The following PRKG2 variants were observed in gnomAD, a reference collection of about 807,000 sequenced individuals.
The protein encoded by PRKG2 is protein kinase cGMP-dependent 2.
A neutral mutation model predicts 97.2 loss-of-function variants in PRKG2; 33 were observed. The ratio of observed to expected loss-of-function variants is 0.34; its 90% CI spans 0.26 to 0.45. PRKG2 has a LOEUF of 0.45. PRKG2 is among the 20% of genes least tolerant of loss of function. The probability of loss-of-function intolerance (pLI) is 1.00; values close to 1 mark genes in which losing one functional copy is unlikely to be tolerated. For synonymous variants in PRKG2, 330 were observed against 321.8 expected (o/e 1.03, Z -0.27); for missense variants, 638 against 900.0 (o/e 0.71, Z 3.73).
At chr4:81,101,328 A>C (rs1742740541) in intron 17 of PRKG2, among the ~76,000 whole-genome samples, 1 of 152,216 alleles carries the variant, frequency 6.6e-6, no homozygotes, top group African/African-American at 2.4e-5. Flanking sequence ...AATGTCCAAC[A>C]ATGATAGACT....
intron 2 of PRKG2, chr4:81,175,524 G>A (rs1750846893): frequency 6.6e-6 from 1 of 152,208 alleles, no homozygotes; most frequent in Non-Finnish European, 1.5e-5. Flanking sequence ...AGTCTGCGCT[G>A]CTTCCATTCC....
intron 7 of PRKG2, among the ~76,000 whole-genome samples, chr4:81,152,643 G>A (rs1488610294): frequency 1.3e-5 from 2 of 152,148 alleles, no homozygotes; most frequent in African/African-American, 2.4e-5. Flanking sequence ...TGTGGCTAGA[G>A]TTATTCCAAT....
chr4:81,093,404 C>G (rs943856210), intron 17 of PRKG2, among the ~76,000 whole-genome samples: 1 of 144,916 alleles, frequency 6.9e-6, no homozygotes, highest in Admixed American at 6.8e-5. Context: ...CACACACACA[C>G]AAGCTTCTTA....
At chr4:81,168,994 T>C (rs1170549843) in intron 5 of PRKG2, among the ~76,000 whole-genome samples, 1 of 151,928 alleles carries the variant, frequency 6.6e-6, no homozygotes, top group Non-Finnish European at 1.5e-5. Flanking sequence ...GATACAGAAA[T>C]TGTTTAAATA....
chr4:81,182,275 G>T (rs1751482574), intron 2 of PRKG2, among the ~76,000 whole-genome samples: 1 of 151,844 alleles, frequency 6.6e-6, no homozygotes, highest in South Asian at 2.1e-4. Context: ...AACATGAAAA[G>T]AATAAAGGAG....
At chr4:81,166,310 G>GT (rs1749979302) in intron 6 of PRKG2, among the ~76,000 whole-genome samples, 3 of 151,704 alleles carry the variant, frequency 2.0e-5, no homozygotes, top group Non-Finnish European at 4.4e-5. Flanking sequence ...GGGTTTTGGG[G>GT]GTTTTTTTTC....
chr4:81,119,337 G>T (rs575508707), intron 14 of PRKG2, among the ~76,000 whole-genome samples: 2 of 152,102 alleles, frequency 1.3e-5, no homozygotes, highest in Non-Finnish European at 2.9e-5. Context: ...TCTGGATGTC[G>T]CATTGTTCCA....
intron 2 of PRKG2, among the ~76,000 whole-genome samples, chr4:81,197,489 T>C (rs1055232874): frequency 1.3e-5 from 2 of 152,208 alleles, no homozygotes; most frequent in Admixed American, 6.5e-5. Context: ...AAAATGAGAA[T>C]AGATTTCAGA....
chr4:81,089,771 G>T lies in PRKG2; in HGVS notation c.2226C>A (p.Asp742Glu), dbSNP rs756304665. 1 of 1,612,674 alleles carries T rather than the reference G, an allele frequency of 6.2e-7. No individual in the cohort carries two copies. Among genetic ancestry groups the T allele is most frequent in the Non-Finnish European group, 8.5e-7 (1 of 1,178,874 alleles). ...GCATTCCCTTTTCAGGAGGATATTT[G>T]TCAAAGTAGCTGTGATCTATGGGTC... ...LKGPIDHSYF[D>E]KYPPEKGMPP... The change falls in exon 19 of 19, where the codon GAC (aspartate) becomes GAA (glutamate). Residue 742 changes from aspartate (D) to glutamate (E), a missense_variant. Physicochemically the swap from Asp to Glu is conservative, Grantham distance 45 (BLOSUM62 2). Transcript: ENST00000264399.
chr4:81,121,093 A>G (rs1363412011), intron 14 of PRKG2, among the ~76,000 whole-genome samples: 1 of 152,104 alleles, frequency 6.6e-6, no homozygotes, highest in Non-Finnish European at 1.5e-5. Flanking sequence ...AATGGATTAT[A>G]TTCATTGATT....
chr4:81,139,843 T>C (rs932105245), intron 12 of PRKG2, among the ~76,000 whole-genome samples: 18 of 151,662 alleles, frequency 1.2e-4, no homozygotes, highest in Non-Finnish European at 2.1e-4. Context: ...GATCTCAAAC[T>C]TCTAACATTT....
chr4:81,114,407 C>T (rs1361438818), intron 14 of PRKG2, among the ~76,000 whole-genome samples: 1 of 151,602 alleles, frequency 6.6e-6, no homozygotes, highest in African/African-American at 2.4e-5. Flanking sequence ...GTCATGGATA[C>T]TTGTCTATAG....
chr4:81,117,670 T>A (rs1744682304), intron 14 of PRKG2, among the ~76,000 whole-genome samples: 1 of 152,206 alleles, frequency 6.6e-6, no homozygotes, highest in Non-Finnish European at 1.5e-5. Flanking sequence ...GGCGATTTAG[T>A]AAAATTTTTA....
intron 8 of PRKG2, among the ~76,000 whole-genome samples, chr4:81,150,878 C>T (rs1029314753): frequency 2.6e-5 from 4 of 151,966 alleles, no homozygotes; most frequent in Non-Finnish European, 2.9e-5. Context: ...ATTAATTTTC[C>T]TAATATTGAA....
intron 2 of PRKG2, among the ~76,000 whole-genome samples, chr4:81,202,979 G>C (rs1232393959): frequency 2.0e-5 from 3 of 151,766 alleles, no homozygotes; most frequent in Non-Finnish European, 4.4e-5. Context: ...GCATAAAAAA[G>C]TACATTGCTA....
chr4:81,144,594 T>TTATATA (rs61559089), intron 9 of PRKG2, among the ~76,000 whole-genome samples: 455 of 131,308 alleles, frequency 3.5e-3, no homozygotes, highest in African/African-American at 0.016. Flanking sequence ...GTATTTAAGG[T>TTATATA]TATATATATA....
At chr4:81,152,079 C>T in intron 7 of PRKG2, 25 bp from the exon 8 acceptor site, 2 of 1,528,606 alleles carry the variant, frequency 1.3e-6, no homozygotes, top group East Asian at 2.3e-5. Context: ...GCAATACAAA[C>T]AGAAAGAGAC....
intron 14 of PRKG2, among the ~76,000 whole-genome samples, chr4:81,126,192 G>GC (rs1256825544): frequency 6.6e-6 from 1 of 152,110 alleles, no homozygotes; most frequent in Non-Finnish European, 1.5e-5. Flanking sequence ...CCATGTCCCT[G>GC]CAAAAGACAT....
intron 3 of PRKG2, among the ~76,000 whole-genome samples, chr4:81,174,457 T>C (rs986290): frequency 0.24 from 35,720 of 151,930 alleles, 8,107 homozygotes; most frequent in African/African-American, 0.58. Flanking sequence ...GCTTATGATC[T>C]ATGTGGCGTT....
Sources: allele counts gnomAD v4.1 joint callset (sites outside exome capture counted in the v4.1 genomes callset), GRCh38; gene constraint gnomAD v4.1.1; transcripts MANE v1.5; gene names NCBI Gene and HGNC (gene_info 2026-07-23, HGNC 2026-07-21).